Variants in TSPAN5 observed in about 807,000 individuals in gnomAD.
TSPAN5 encodes the protein tetraspanin-5.
Under a neutral mutation model 37.1 loss-of-function variants are expected in TSPAN5, and 10 were observed. The observed-to-expected ratio is 0.27, with a 90% CI of 0.17 to 0.46. The LOEUF (loss-of-function observed/expected upper bound fraction) is 0.46, where lower values mean the gene tolerates loss of function less well. TSPAN5 is among the 20% of genes least tolerant of loss of function. TSPAN5 has a pLI of 1.00. For synonymous variants in TSPAN5, 110 were observed against 118.9 expected (o/e 0.93, Z 0.48); for missense variants, 195 against 326.6 (o/e 0.60, Z 3.11).
At chr4:98,560,044 T>A (rs184767734) in intron 1 of TSPAN5, 1 of 152,180 alleles carries the variant, frequency 6.6e-6, no homozygotes, top group Non-Finnish European at 1.5e-5. Context: ...AAGTGGAAAA[T>A]GTAATTTTTC....
intron 1 of TSPAN5, among the ~76,000 whole-genome samples, chr4:98,625,674 C>T (rs759357825): frequency 2.6e-5 from 4 of 152,172 alleles, no homozygotes; most frequent in Non-Finnish European, 4.4e-5. Flanking sequence ...TGGCTTCATC[C>T]GACCTACTCC....
At chr4:98,568,891 G>A (rs17027752) in intron 1 of TSPAN5, among the ~76,000 whole-genome samples, 2,352 of 152,322 alleles carry the variant, frequency 0.015, 69 homozygotes, top group African/African-American at 0.053. Flanking sequence ...GATAGTCAAA[G>A]AGAACAGCAA....
intron 1 of TSPAN5, among the ~76,000 whole-genome samples, chr4:98,521,738 G>C (rs926106475): frequency 1.3e-5 from 2 of 152,204 alleles, no homozygotes; most frequent in African/African-American, 4.8e-5. Flanking sequence ...AGCTGAGGAG[G>C]CTGCTGAGAT....
intron 1 of TSPAN5, among the ~76,000 whole-genome samples, chr4:98,585,330 G>A (rs77021165): frequency 1.4e-5 from 2 of 147,160 alleles, no homozygotes; most frequent in South Asian, 2.2e-4. Context: ...TTTTTTTTTT[G>A]AGGCAGTCTT....
chr4:98,582,212 C>A (rs1286888540), intron 1 of TSPAN5, among the ~76,000 whole-genome samples: 1 of 152,236 alleles, frequency 6.6e-6, no homozygotes, highest in Non-Finnish European at 1.5e-5. Context: ...GCTGGGCCCT[C>A]TCCCCTGTAT....
At chr4:98,553,122 C>G (rs1043513905) in intron 1 of TSPAN5, among the ~76,000 whole-genome samples, 2 of 152,056 alleles carry the variant, frequency 1.3e-5, no homozygotes, top group Non-Finnish European at 2.9e-5. Context: ...AAATTAAGAG[C>G]TTTTTTTGTG....
chr4:98,525,525 C>T (rs910346055), intron 1 of TSPAN5, among the ~76,000 whole-genome samples: 3 of 152,114 alleles, frequency 2.0e-5, no homozygotes, highest in African/African-American at 7.2e-5. Context: ...CACTCTCAAC[C>T]CTGAACTAAA....
chr4:98,651,561 C>T (rs1287068908), intron 1 of TSPAN5, among the ~76,000 whole-genome samples: 1 of 152,180 alleles, frequency 6.6e-6, no homozygotes, highest in East Asian at 1.9e-4. Flanking sequence ...AGCCAACATG[C>T]TGGCAACTTT....
chr4:98,507,488 C>A (rs1366389514), intron 2 of TSPAN5, among the ~76,000 whole-genome samples, 190 bp downstream of exon 2: 2 of 152,174 alleles, frequency 1.3e-5, no homozygotes, highest in Non-Finnish European at 2.9e-5. Context: ...TATTTTGATG[C>A]AGTCATCAAT....
At chr4:98,622,262 T>C (rs1210927918) in intron 1 of TSPAN5, among the ~76,000 whole-genome samples, 1 of 152,144 alleles carries the variant, frequency 6.6e-6, no homozygotes, top group East Asian at 1.9e-4. Context: ...GTATTTTTCA[T>C]AGAGACAAAT....
chr4:98,622,003 T>C (rs1756492590), intron 1 of TSPAN5, among the ~76,000 whole-genome samples: 1 of 152,222 alleles, frequency 6.6e-6, no homozygotes, highest in South Asian at 2.1e-4. Flanking sequence ...ACAATTTGTT[T>C]ACCCATTCAT....
intron 1 of TSPAN5, among the ~76,000 whole-genome samples, chr4:98,540,587 T>C (rs1413746866): frequency 6.6e-6 from 1 of 152,156 alleles, no homozygotes; most frequent in African/African-American, 2.4e-5. Context: ...ATCTGCCTGC[T>C]TCAGCCTCCC....
intron 1 of TSPAN5, among the ~76,000 whole-genome samples, chr4:98,514,664 C>T (rs1753690304): frequency 6.6e-6 from 1 of 152,170 alleles, no homozygotes; most frequent in Non-Finnish European, 1.5e-5. Context: ...TTCAGTGTGG[C>T]CCGAGTGCAC....
intron 1 of TSPAN5, among the ~76,000 whole-genome samples, chr4:98,627,071 C>T (rs955953309): frequency 1.3e-5 from 2 of 152,026 alleles, no homozygotes; most frequent in African/African-American, 2.4e-5. Context: ...GGGGGCAGAG[C>T]GCCTAGCTCT....
At chr4:98,549,305 T>TG (rs1247638427) in intron 1 of TSPAN5, among the ~76,000 whole-genome samples, 182 of 145,046 alleles carry the variant, frequency 1.3e-3, no homozygotes, top group Middle Eastern at 6.9e-3. Context: ...TGTTTTTGTT[T>TG]TTTTTTGTTT....
At chr4:98,640,766 G>C (rs183267199) in intron 1 of TSPAN5, among the ~76,000 whole-genome samples, 1 of 152,352 alleles carries the variant, frequency 6.6e-6, no homozygotes, top group Non-Finnish European at 1.5e-5. Context: ...AACAAGGAAA[G>C]TTGAGGGTCC....
intron 1 of TSPAN5, among the ~76,000 whole-genome samples, chr4:98,641,305 C>G (rs1354577429): frequency 1.3e-5 from 2 of 152,082 alleles, no homozygotes; most frequent in African/African-American, 2.4e-5. Context: ...CTTCAAACAC[C>G]TAATAACTTG....
intron 2 of TSPAN5, among the ~76,000 whole-genome samples, chr4:98,500,754 A>G (rs986340515): frequency 6.6e-6 from 1 of 152,202 alleles, no homozygotes; most frequent in African/African-American, 2.4e-5. Flanking sequence ...TCATTGGCTT[A>G]GTCACAAACA....
chr4:98,609,467 A>G (rs1314078036), intron 1 of TSPAN5, among the ~76,000 whole-genome samples: 1 of 152,148 alleles, frequency 6.6e-6, no homozygotes, highest in African/African-American at 2.4e-5. Flanking sequence ...TGATCACCCA[A>G]GTCAGGTGTG....
Sources: allele counts gnomAD v4.1 joint callset (sites outside exome capture counted in the v4.1 genomes callset), GRCh38; gene constraint gnomAD v4.1.1; transcripts MANE v1.5; gene names NCBI Gene and HGNC (gene_info 2026-07-23, HGNC 2026-07-21).